The following ROCK2 variants were observed in gnomAD, a reference collection of about 807,000 sequenced individuals.
ROCK2 encodes the protein rho-associated protein kinase 2.
In ROCK2, 61 loss-of-function variants were observed where a neutral mutation model predicts 195.1. The ratio of observed to expected loss-of-function variants is 0.31; its 90% CI spans 0.25 to 0.39. The LOEUF is 0.39. Among genes scored for constraint, ROCK2 ranks in the 10% least tolerant of loss-of-function variants. The pLI, the probability that ROCK2 is intolerant of heterozygous loss-of-function variation, is 1.00. For synonymous variants in ROCK2, 504 were observed against 545.5 expected (o/e 0.92, Z 1.06); for missense variants, 1,109 against 1,637.4 (o/e 0.68, Z 5.57).
intron 32 of ROCK2, among the ~76,000 whole-genome samples, chr2:11,188,103 A>ATTT (rs747304783): frequency 0.013 from 1,431 of 112,568 alleles, 2 homozygotes; most frequent in African/African-American, 0.019. Context: ...CTGGTATATA[A>ATTT]TTTTTTTTTT....
intron 4 of ROCK2, among the ~76,000 whole-genome samples, chr2:11,247,688 A>G (rs1665666232): frequency 6.6e-6 from 1 of 152,224 alleles, no homozygotes; most frequent in Admixed American, 6.5e-5. Context: ...AAGTGAAACA[A>G]ATACTTTACT....
At chr2:11,190,809 T>G (rs1297057604) in intron 32 of ROCK2, among the ~76,000 whole-genome samples, 1 of 152,282 alleles carries the variant, frequency 6.6e-6, no homozygotes, top group Admixed American at 6.5e-5. Flanking sequence ...ATTTAAGCAT[T>G]AATAGTTCTA....
chr2:11,189,038 CA>C (rs900100841), intron 32 of ROCK2, among the ~76,000 whole-genome samples: 15 of 141,534 alleles, frequency 1.1e-4, no homozygotes, highest in African/African-American at 3.4e-4. Context: ...CGTCATGTCA[CA>C]AAAAAAAAGA....
intron 1 of ROCK2, among the ~76,000 whole-genome samples, chr2:11,309,573 G>T (rs1667969916): frequency 6.6e-6 from 1 of 152,078 alleles, no homozygotes; most frequent in South Asian, 2.1e-4. Context: ...TCTATACCTA[G>T]AAAGTTATTT....
chr2:11,282,033 A>G (rs1667021712), intron 3 of ROCK2, among the ~76,000 whole-genome samples: 1 of 152,192 alleles, frequency 6.6e-6, no homozygotes, highest in South Asian at 2.1e-4. Context: ...ATGGAGAAGC[A>G]AAAGACCCAG....
chr2:11,285,402 A>C (rs1667153497), intron 3 of ROCK2, among the ~76,000 whole-genome samples: 1 of 152,082 alleles, frequency 6.6e-6, no homozygotes, highest in South Asian at 2.1e-4. Context: ...AAGCTTGCCT[A>C]CCCATACAAT....
At chr2:11,334,781 A>G (rs1439085766) in intron 1 of ROCK2, among the ~76,000 whole-genome samples, 1 of 150,716 alleles carries the variant, frequency 6.6e-6, no homozygotes, top group Non-Finnish European at 1.5e-5. Context: ...ATTCATTTCC[A>G]TGGCATAGAA....
chr2:11,285,416 T>C (rs1667154019), intron 3 of ROCK2, among the ~76,000 whole-genome samples: 1 of 152,146 alleles, frequency 6.6e-6, no homozygotes, highest in South Asian at 2.1e-4. Flanking sequence ...ATACAATTAT[T>C]ACTGTGCCAT....
intron 1 of ROCK2, among the ~76,000 whole-genome samples, chr2:11,312,488 C>T (rs1668067597): frequency 1.3e-5 from 2 of 152,024 alleles, no homozygotes; most frequent in Admixed American, 1.3e-4. Context: ...ATTTGTTTTC[C>T]TATCACTATA....
intron 1 of ROCK2, among the ~76,000 whole-genome samples, chr2:11,320,776 A>G (rs1258017539): frequency 6.6e-6 from 1 of 152,180 alleles, no homozygotes; most frequent in East Asian, 1.9e-4. Context: ...TATCATGGCC[A>G]CTTCCAGGTG....
chr2:11,197,736 TAAATA>T lies in ROCK2; in HGVS notation c.3100-36_3100-32del, dbSNP rs1185933190. The T allele has an allele frequency of 1.4e-6, 2 of 1,381,200 alleles. No homozygotes were observed. Among genetic ancestry groups the T allele is most frequent in the South Asian group, 1.6e-5 (1 of 61,036 alleles). The allele number at this position is 1,381,200 out of a possible 1,614,324, so 85.6% of individuals were successfully genotyped here. ...AAAATGTAAAAATAAATATAATACA[TAAATA>T]AAATAAATTACGTTTATGGTTTCTC... is the stretch of plus-strand genomic sequence containing the variant. On this transcript the variant is annotated intron_variant, in intron 25 of 32. Transcript: ENST00000315872. The surrounding 1 kb of genome is among the most constrained non-coding windows in gnomAD (Gnocchi z 4.9).
At position 11,307,884 on chromosome 2, in the gene ROCK2, G is replaced by A. The variant is rs76066525; in HGVS notation, c.142-20148C>T. 95 of 1,091,548 alleles carry A rather than the reference G, an allele frequency of 8.7e-5. No homozygotes were observed. The African/African-American group carries it at 1.4e-3, about 16-fold the overall frequency. The allele number at this position is 1,091,548 out of a possible 1,614,324, so 67.6% of individuals were successfully genotyped here. ...AACTATCGGCGAAAAATGGGCTTGG[G>A]CGGCTCCTCGGTGGGTGGCGGTGGT... is the stretch of plus-strand genomic sequence containing the variant. On this transcript the variant is annotated intron_variant, in intron 1 of 32. Coordinates refer to ENST00000315872, the MANE Select transcript of ROCK2 (RefSeq NM_004850.5).
At chr2:11,308,532 T>C (rs1667934721) in intron 1 of ROCK2, 2 of 1,544,928 alleles carry the variant, frequency 1.3e-6, no homozygotes, top group Middle Eastern at 1.8e-4. Context: ...TTACTCACTA[T>C]CAGAATTGAG....
intron 1 of ROCK2, among the ~76,000 whole-genome samples, chr2:11,337,903 A>T (rs1476704421): frequency 6.6e-6 from 1 of 152,070 alleles, no homozygotes; most frequent in African/African-American, 2.4e-5. Context: ...TCAGCCTCCC[A>T]AAGTGCTGAG....
At chr2:11,221,414 C>T in intron 8 of ROCK2, 57 bp from the exon 9 acceptor site, 2 of 1,251,050 alleles carry the variant, frequency 1.6e-6, no homozygotes, top group Non-Finnish European at 2.2e-6. Flanking sequence ...ATAAACCATC[C>T]TATTTTATTA....
intron 1 of ROCK2, among the ~76,000 whole-genome samples, chr2:11,290,609 A>C (rs1667332551): frequency 6.6e-6 from 1 of 152,166 alleles, no homozygotes. Flanking sequence ...ACTGAGACTA[A>C]ACAAAACACT....
chr2:11,342,689 C>G (rs1669143270), intron 1 of ROCK2, among the ~76,000 whole-genome samples: 1 of 152,198 alleles, frequency 6.6e-6, no homozygotes, highest in Non-Finnish European at 1.5e-5. Context: ...AGCAATCTTA[C>G]TCCCGATTAA....
At position 11,294,371 on chromosome 2, in the gene ROCK2, T is replaced by C. The variant is rs551269583; in HGVS notation, c.142-6635A>G. Among the ~76,000 whole-genome samples the C allele has an allele frequency of 2.2e-4, 33 of 152,336 alleles. No individual in the cohort carries two copies. In the South Asian group the frequency reaches 6.6e-3, roughly 31 times the overall value. ...TGGATAGACATGATGCCAAACACTT[T>C]ATATAACATCTCCTTATTTAATTTT... On this transcript the variant is annotated intron_variant, in intron 1 of 32. Coordinates refer to ENST00000315872, the MANE Select transcript of ROCK2 (RefSeq NM_004850.5).
At chr2:11,327,328 C>A (rs2148257705) in intron 1 of ROCK2, among the ~76,000 whole-genome samples, 1 of 152,194 alleles carries the variant, frequency 6.6e-6, no homozygotes, top group Admixed American at 6.5e-5. Flanking sequence ...AAATTTAAGA[C>A]CTCAAAGGTA....
Sources: gnomAD v4.1 joint callset for allele counts (sites outside exome capture counted in the v4.1 genomes callset) on GRCh38, gnomAD v4.1.1 for gene constraint, Gnocchi (gnomAD v3.1) non-coding constraint, MANE v1.5 for transcripts, NCBI Gene and HGNC (gene_info 2026-07-23, HGNC 2026-07-21) for gene names.